JPT2: variants seen among roughly 807,000 people sequenced by gnomAD.
The protein encoded by JPT2 is Jupiter microtubule associated homolog 2, also known as CRAMP_1 like.
In JPT2, 9 loss-of-function variants were observed where a neutral mutation model predicts 15.9. That is an observed-to-expected ratio of 0.57 (90% confidence interval 0.34 to 0.99). The LOEUF (loss-of-function observed/expected upper bound fraction) is 0.99, where lower values mean the gene tolerates loss of function less well. Ranked by LOEUF, JPT2 falls within the 50% of genes least tolerant of loss-of-function variation. The pLI is 0.02. For missense variants in JPT2, 267 were observed against 252.1 expected (o/e 1.06, Z -0.40); for synonymous variants, 95 against 91.7 (o/e 1.04, Z -0.21).
rs1395360315 is a variant in JPT2 at position 1,700,395 on chromosome 16, T to C, written c.*1397T>C. ...GCATCTGTTAACAGAGGAGAACGTC[T>C]GGGTGGCGGCAGCAGCTTTGCTCTG... On this transcript the variant is annotated 3_prime_UTR_variant, in exon 5 of 5. Coordinates refer to ENST00000248098, the MANE Select transcript of JPT2 (RefSeq NM_144570.3). The C allele has an allele frequency of 3.6e-6, 1 of 274,240 alleles. No individual in the cohort carries two copies. The highest frequency in any genetic ancestry group is 7.7e-6 in the Non-Finnish European group (1 of 129,620). The allele number at this position is 274,240 out of a possible 1,614,324, so 17.0% of individuals were successfully genotyped here.
intron 2 of JPT2, 104 bp from the exon 3 acceptor site, chr16:1,691,739 C>T: frequency 7.3e-7 from 1 of 1,376,274 alleles, no homozygotes; most frequent in Non-Finnish European, 9.7e-7. Flanking sequence ...AGGGCTGGCA[C>T]TCGGGGTTCC....
chr16:1,686,383 AG>A (rs55825363), intron 2 of JPT2: 15,947 of 143,766 alleles, frequency 0.11, 1,350 homozygotes, highest in African/African-American at 0.25. Context: ...AAAAAAAAAA[AG>A]AAAAAGAAAA....
At chr16:1,687,097 C>T (rs1296329892) in intron 2 of JPT2, among the ~76,000 whole-genome samples, 2 of 152,214 alleles carry the variant, frequency 1.3e-5, no homozygotes, top group Admixed American at 6.5e-5. Flanking sequence ...ACCCTTTTTC[C>T]TCAGCCTCCT....
rs376357733 is a variant in JPT2 at position 1,680,330 on chromosome 16, T to C, written c.44+1974T>C. Reference sequence around the variant, plus strand: ...TTATTATCACCCTGAGCGACGCCGATGTTTTTATATTGACTTTCACGCTCC... The same window carrying C: ...TTATTATCACCCTGAGCGACGCCGACGTTTTTATATTGACTTTCACGCTCC... On this transcript the variant is annotated intron_variant, in intron 1 of 4. Transcript: ENST00000248098. 8 of 1,001,732 alleles carry C rather than the reference T, an allele frequency of 8.0e-6. No homozygotes were observed. The African/African-American group carries it at 8.7e-5, about 11-fold the overall frequency. The allele number at this position is 1,001,732 out of a possible 1,614,324, so 62.1% of individuals were successfully genotyped here. A position where few individuals can be genotyped will look rare whatever the true frequency, so the allele number is the denominator to read the frequency against.
In JPT2 at chr16:1,697,081, C is replaced by T. The variant is rs532162657; in HGVS notation, c.337-731C>T. On this transcript the variant is annotated intron_variant, in intron 3 of 4. Transcript: ENST00000248098. ...GTCCATCAACAGATGAATGGGTAAA[C>T]AACATGTGGTCTGTCCATACAATGG... is the stretch of plus-strand genomic sequence containing the variant. 2.0e-5 allele frequency among the ~76,000 whole-genome samples: 3 copies of T among 152,288 alleles called. No individual in the cohort carries two copies. In the East Asian group the frequency reaches 5.8e-4, roughly 29 times the overall value.
At chr16:1,678,648 G>A (rs1241790015) in intron 1 of JPT2, among the ~76,000 whole-genome samples, 2 of 152,200 alleles carry the variant, frequency 1.3e-5, no homozygotes, top group African/African-American at 4.8e-5. Context: ...AGGGCGGGCT[G>A]CGCTCCCTCG....
Position 1,699,493 on chromosome 16 carries a change from C to A in JPT2, c.*495C>A, listed in dbSNP as rs1296167109. The A allele has an allele frequency of 8.7e-6, 3 of 346,546 alleles. No individual in the cohort carries two copies. Among genetic ancestry groups the A allele is most frequent in the Admixed American group, 3.8e-5 (1 of 26,420 alleles). 21.5% of individuals were successfully genotyped at this position (346,546 alleles called of 1,614,324 possible). A position where few individuals can be genotyped will look rare whatever the true frequency, so the allele number is the denominator to read the frequency against. The stretch of plus-strand genomic sequence containing the variant: ...CATCCCCACTTCATTTTACCCCCAG[C>A]ATATTGTTCTGTAGTCTTTTCTTGA... On this transcript the variant is annotated 3_prime_UTR_variant, in exon 5 of 5. Transcript: ENST00000248098.
chr16:1,692,322 C>T (rs1470436039), intron 3 of JPT2: 1 of 299,768 alleles, frequency 3.3e-6, no homozygotes, highest in Non-Finnish European at 6.4e-6. Flanking sequence ...GGGCCCTTGT[C>T]CGTCTTCCAC....
At chr16:1,687,943 G>A (rs1423066051) in intron 2 of JPT2, among the ~76,000 whole-genome samples, 2 of 152,190 alleles carry the variant, frequency 1.3e-5, no homozygotes, top group Non-Finnish European at 2.9e-5. Flanking sequence ...CCGAGAGTGT[G>A]TGTGACCGAC....
At chr16:1,683,995 C>T (rs2037045235) in intron 1 of JPT2, among the ~76,000 whole-genome samples, 1 of 152,196 alleles carries the variant, frequency 6.6e-6, no homozygotes. Context: ...TATGCACATC[C>T]TCCATATGCT....
chr16:1,679,017 G>C (rs1039196919), intron 1 of JPT2, among the ~76,000 whole-genome samples: 18 of 152,258 alleles, frequency 1.2e-4, no homozygotes, highest in African/African-American at 4.3e-4. Flanking sequence ...GTAGGAAGAA[G>C]TGGATTGGGA....
At position 1,700,203 on chromosome 16, in the gene JPT2, A is replaced by G; in HGVS notation, c.*1205A>G. 2 of 455,466 alleles carry G rather than the reference A, an allele frequency of 4.4e-6. No individual in the cohort carries two copies. Among genetic ancestry groups the G allele is most frequent in the South Asian group, 3.1e-5 (2 of 64,532 alleles). The allele number at this position is 455,466 out of a possible 1,614,324, so 28.2% of individuals were successfully genotyped here. Reference sequence around the variant, plus strand: ...CAGAAGAGACTAGAGACCTTAGGCCAGGAGATGAAGGAGTTCAGTAGCAAA... The same window carrying G: ...CAGAAGAGACTAGAGACCTTAGGCCGGGAGATGAAGGAGTTCAGTAGCAAA... On this transcript the variant is annotated 3_prime_UTR_variant, in exon 5 of 5. Coordinates refer to ENST00000248098, the MANE Select transcript of JPT2 (RefSeq NM_144570.3).
chr16:1,678,482 G>C, intron 1 of JPT2, 126 bp downstream of exon 1: 1 of 952,046 alleles, frequency 1.1e-6, no homozygotes, highest in Non-Finnish European at 1.4e-6. Flanking sequence ...ACCTCACAGA[G>C]GCCCTCGGGG....
intron 1 of JPT2, among the ~76,000 whole-genome samples, chr16:1,679,374 G>T (rs566287795): frequency 6.6e-6 from 1 of 152,170 alleles, no homozygotes; most frequent in Admixed American, 6.5e-5. Context: ...CTAAGTAAAA[G>T]AATTGCTCCA....
At chr16:1,679,891 C>A (rs1161120678) in intron 1 of JPT2, among the ~76,000 whole-genome samples, 1 of 151,982 alleles carries the variant, frequency 6.6e-6, no homozygotes, top group Non-Finnish European at 1.5e-5. Flanking sequence ...CCCGTCTCTA[C>A]TAAAAATACG....
At chr16:1,681,671 G>A (rs897326466) in intron 1 of JPT2, among the ~76,000 whole-genome samples, 4 of 152,160 alleles carry the variant, frequency 2.6e-5, no homozygotes, top group African/African-American at 9.7e-5. Context: ...GTTTAAACTT[G>A]AAGCTCCTCC....
At chr16:1,691,698 C>G in intron 2 of JPT2, 145 bp from the exon 3 acceptor site, 1 of 930,932 alleles carries the variant, frequency 1.1e-6, no homozygotes, top group South Asian at 1.7e-5. Flanking sequence ...GGGTTTCAGT[C>G]TGAGCATCCT....
intron 2 of JPT2, chr16:1,686,861 G>A (rs539950389): frequency 6.6e-6 from 1 of 152,282 alleles, no homozygotes; most frequent in East Asian, 1.9e-4. Flanking sequence ...GTGTCACTGT[G>A]TCAGGCAGGT....
intron 1 of JPT2, among the ~76,000 whole-genome samples, chr16:1,683,092 C>T (rs993476919): frequency 3.3e-5 from 5 of 152,224 alleles, no homozygotes; most frequent in South Asian, 2.1e-4. Flanking sequence ...TTCTCCTGCC[C>T]CAGCCTCCTG....
Sources: allele counts gnomAD v4.1 joint callset (sites outside exome capture counted in the v4.1 genomes callset), GRCh38; gene constraint gnomAD v4.1.1; transcripts MANE v1.5; gene names NCBI Gene and HGNC (gene_info 2026-07-23, HGNC 2026-07-21).